The following AKAP19 variants were observed in gnomAD, a reference collection of about 807,000 sequenced individuals.
AKAP19 encodes the protein A-kinase anchoring protein 19, also known as small A-kinase anchoring protein.
the AKAP19 span, chr2:190,060,498 A>G: frequency 6.9e-7 from 1 of 1,442,506 alleles, no homozygotes; most frequent in Middle Eastern, 2.4e-4. Flanking sequence ...ACCCCTCCAT[A>G]TTAATAGTTG....
the AKAP19 span, chr2:190,190,028 G>A: frequency 6.6e-6 from 1 of 152,152 alleles, no homozygotes; most frequent in East Asian, 1.9e-4. Flanking sequence ...CAGTCCCCTG[G>A]ATTTAGGTGC....
the AKAP19 span, among the ~76,000 whole-genome samples, chr2:190,162,904 A>T: frequency 1.3e-5 from 2 of 152,170 alleles, no homozygotes; most frequent in African/African-American, 4.8e-5. Context: ...TTTGAGAGTA[A>T]ATCTATTTTT....
the AKAP19 span, among the ~76,000 whole-genome samples, chr2:190,012,339 C>T: frequency 6.6e-6 from 1 of 152,074 alleles, no homozygotes; most frequent in African/African-American, 2.4e-5. Context: ...TATTTTACCT[C>T]CTTGGTTAAA....
the AKAP19 span, chr2:190,079,404 A>G: frequency 6.6e-6 from 1 of 152,244 alleles, no homozygotes. Context: ...ATAAGTAACT[A>G]CCACTTTTTT....
At chr2:190,085,557 T>C in the AKAP19 span, among the ~76,000 whole-genome samples, 1 of 152,224 alleles carries the variant, frequency 6.6e-6, no homozygotes, top group Admixed American at 6.5e-5. Flanking sequence ...AGAACTCTTT[T>C]AGCTACTGAT....
At chr2:189,930,363 G>A in the AKAP19 span, 1 of 472,238 alleles carries the variant, frequency 2.1e-6, no homozygotes, top group Non-Finnish European at 3.7e-6. Flanking sequence ...AGTCCAGGTG[G>A]TAGATGTACA....
chr2:189,989,595 C>T, the AKAP19 span, among the ~76,000 whole-genome samples: 1 of 151,968 alleles, frequency 6.6e-6, no homozygotes, highest in African/African-American at 2.4e-5. Context: ...AGGGTCACAA[C>T]ATAAAATGTT....
At chr2:190,155,306 C>T in the AKAP19 span, among the ~76,000 whole-genome samples, 1 of 152,070 alleles carries the variant, frequency 6.6e-6, no homozygotes. Context: ...TAAAGTATTT[C>T]TGATGGTTGA....
chr2:189,892,872 G>A, the AKAP19 span, among the ~76,000 whole-genome samples: 1 of 152,188 alleles, frequency 6.6e-6, no homozygotes, highest in African/African-American at 2.4e-5. Context: ...CAGGGAGATG[G>A]GAGTTTTGTC....
chr2:190,001,182 A>G, the AKAP19 span, among the ~76,000 whole-genome samples: 1 of 152,180 alleles, frequency 6.6e-6, no homozygotes, highest in Admixed American at 6.5e-5. Flanking sequence ...AATAATTTCT[A>G]TAACCTTATT....
the AKAP19 span, among the ~76,000 whole-genome samples, chr2:189,975,169 A>G: frequency 4.3e-4 from 66 of 152,244 alleles, no homozygotes; most frequent in South Asian, 6.2e-4. Flanking sequence ...TTTGTAGGGC[A>G]GGCCTGGTGG....
chr2:190,111,892 T>A, the AKAP19 span, among the ~76,000 whole-genome samples: 1 of 151,840 alleles, frequency 6.6e-6, no homozygotes, highest in African/African-American at 2.4e-5. Context: ...TTTTTTTGTT[T>A]TGTTTTTTTG....
At chr2:189,972,607 T>C in the AKAP19 span, among the ~76,000 whole-genome samples, 1 of 152,198 alleles carries the variant, frequency 6.6e-6, no homozygotes, top group Non-Finnish European at 1.5e-5. Flanking sequence ...ATTCTTCCTA[T>C]CCATGAGCAT....
chr2:190,115,763 T>C, the AKAP19 span, among the ~76,000 whole-genome samples: 2 of 152,170 alleles, frequency 1.3e-5, no homozygotes, highest in Non-Finnish European at 2.9e-5. Flanking sequence ...TGTCCTTTCC[T>C]GGTCAGAGAA....
At chr2:189,931,924 A>G in the AKAP19 span, among the ~76,000 whole-genome samples, 1 of 152,108 alleles carries the variant, frequency 6.6e-6, no homozygotes, top group African/African-American at 2.4e-5. Context: ...GCCCGATACA[A>G]TATTATTAAC....
chr2:190,148,964 T>C, the AKAP19 span, among the ~76,000 whole-genome samples: 55 of 4,514 alleles, frequency 0.012, 1 homozygote, highest in Non-Finnish European at 0.046. Flanking sequence ...TTTTTTTTTT[T>C]TTTTTTTTTT....
the AKAP19 span, among the ~76,000 whole-genome samples, chr2:190,076,932 C>G: frequency 6.6e-6 from 1 of 152,130 alleles, no homozygotes; most frequent in East Asian, 1.9e-4. Context: ...TCCTGTAAGT[C>G]ACACAGGCTA....
At chr2:190,059,258 C>T in the AKAP19 span, among the ~76,000 whole-genome samples, 9 of 151,652 alleles carry the variant, frequency 5.9e-5, no homozygotes, top group Non-Finnish European at 1.0e-4. Context: ...TTAGGTAAGC[C>T]AGAAGAGTAA....
the AKAP19 span, among the ~76,000 whole-genome samples, chr2:190,055,157 G>A: frequency 1.3e-5 from 2 of 152,074 alleles, no homozygotes; most frequent in African/African-American, 4.8e-5. Flanking sequence ...CATACAAAAT[G>A]ATGAGTTCAT....
Sources: gnomAD v4.1 joint callset for allele counts (sites outside exome capture counted in the v4.1 genomes callset) on GRCh38, gnomAD v4.1.1 for gene constraint, MANE v1.5 for transcripts, NCBI Gene and HGNC (gene_info 2026-07-23, HGNC 2026-07-21) for gene names.